Variants in DLGAP2 observed in about 807,000 individuals in gnomAD.
DLGAP2 encodes DLG associated protein 2.
A neutral mutation model predicts 100.3 loss-of-function variants in DLGAP2; 26 were observed. The ratio of observed to expected loss-of-function variants is 0.26; its 90% CI spans 0.19 to 0.36. The LOEUF is 0.36. Among genes scored for constraint, DLGAP2 ranks in the 10% least tolerant of loss-of-function variants. DLGAP2 has a pLI of 1.00. For synonymous variants in DLGAP2, 886 were observed against 630.1 expected, an observed-to-expected ratio of 1.41 and a Z score of -6.08; for missense variants, 1,858 against 1,453.2, an observed-to-expected ratio of 1.28 and a Z score of -4.53.
rs1003861192 is a variant in DLGAP2, at chr8:792,665, T to C, written c.18+54840T>C. ...TGTCAGAATAAAAATGGATTGATCT[T>C]AGTTAGAAAGTTATTTATAAAAATA... On this transcript the variant is annotated intron_variant, in intron 1 of 14. Coordinates refer to ENST00000637795, the MANE Select transcript of DLGAP2 (RefSeq NM_001346810.2). Among the ~76,000 whole-genome samples the C allele has an allele frequency of 2.0e-5, 3 of 152,238 alleles. 1 individual carries two copies. The highest frequency in any genetic ancestry group is 2.0e-4 in the Admixed American group (3 of 15,280).
chr8:744,402 C>G (rs1820563587), intron 1 of DLGAP2, among the ~76,000 whole-genome samples: 1 of 152,230 alleles, frequency 6.6e-6, no homozygotes, highest in Admixed American at 6.5e-5. Flanking sequence ...ATCTAATGAT[C>G]TGAATGGGTG....
chr8:1,491,623 C>T (rs1159640062), intron 3 of DLGAP2, among the ~76,000 whole-genome samples: 4 of 152,102 alleles, frequency 2.6e-5, no homozygotes, highest in South Asian at 2.1e-4. Flanking sequence ...GACCTAACGC[C>T]GCATGTATTT....
intron 6 of DLGAP2, among the ~76,000 whole-genome samples, chr8:1,606,118 G>A (rs934827132): frequency 6.6e-6 from 1 of 152,166 alleles, no homozygotes; most frequent in Admixed American, 6.5e-5. Context: ...AGGCCCAAGA[G>A]AAAAGACGAA....
chr8:902,074 C>T (rs554629084), intron 1 of DLGAP2, among the ~76,000 whole-genome samples: 51 of 152,308 alleles, frequency 3.3e-4, no homozygotes, highest in Non-Finnish European at 6.8e-4. Context: ...GTGGGTCCAC[C>T]GCAGAGGGAT....
At chr8:1,656,624 C>A (rs747177758) in intron 8 of DLGAP2, among the ~76,000 whole-genome samples, 1 of 152,226 alleles carries the variant, frequency 6.6e-6, no homozygotes. Context: ...CACACCTCTT[C>A]CCTGCCCCAT....
At chr8:766,981 G>T (rs1239860125) in intron 1 of DLGAP2, among the ~76,000 whole-genome samples, 1 of 152,162 alleles carries the variant, frequency 6.6e-6, no homozygotes, top group Non-Finnish European at 1.5e-5. Flanking sequence ...TCCTCCTGCG[G>T]TGCACTGGCG....
chr8:1,323,790 G>T (rs766799486), intron 3 of DLGAP2, among the ~76,000 whole-genome samples: 1 of 152,204 alleles, frequency 6.6e-6, no homozygotes, highest in South Asian at 2.1e-4. Context: ...GATCTTTGAA[G>T]AAAGAGTTTC....
Position 1,239,970 on chromosome 8 carries a change from C to G in DLGAP2, c.74-18881C>G, listed in dbSNP as rs1409138222. ...TTGCCGTGTCTAGTTCTCTCTCACA[C>G]ATAGCGTCTTGTCTAGTTCTCTCTC... On this transcript the variant is annotated intron_variant, in intron 2 of 14. Transcript: ENST00000637795. Among the ~76,000 whole-genome samples, 353 of 146,244 alleles carry G rather than the reference C, an allele frequency of 2.4e-3. 4 individuals carry two copies. The highest frequency in any genetic ancestry group is 4.1e-3 in the Non-Finnish European group (276 of 66,916).
intron 2 of DLGAP2, among the ~76,000 whole-genome samples, chr8:972,059 A>G (rs561787229): frequency 6.6e-6 from 1 of 152,328 alleles, no homozygotes; most frequent in African/African-American, 2.4e-5. Flanking sequence ...TTAAGAAGTC[A>G]TCTTGGGGAA....
At chr8:1,493,244 A>C (rs961625046) in intron 3 of DLGAP2, among the ~76,000 whole-genome samples, 12 of 152,300 alleles carry the variant, frequency 7.9e-5, no homozygotes, top group Non-Finnish European at 1.2e-4. Flanking sequence ...GAGCGCATAG[A>C]GGGCTGCTTT....
At chr8:1,000,303 G>C (rs924786465) in intron 2 of DLGAP2, among the ~76,000 whole-genome samples, 6 of 150,828 alleles carry the variant, frequency 4.0e-5, no homozygotes, top group African/African-American at 1.5e-4. Context: ...GTTTTCTTTT[G>C]CACTTGATGT....
At chr8:960,253 C>CT (rs1563115005) in intron 2 of DLGAP2, among the ~76,000 whole-genome samples, 1 of 69,680 alleles carries the variant, frequency 1.4e-5, no homozygotes, top group Non-Finnish European at 2.6e-5. Context: ...TTTTTTTTTT[C>CT]CCGAGACACT....
intron 2 of DLGAP2, among the ~76,000 whole-genome samples, chr8:950,752 G>C (rs1013802532): frequency 4.6e-5 from 7 of 151,538 alleles, no homozygotes; most frequent in African/African-American, 1.7e-4. Context: ...CTCCCGAGTA[G>C]CTGGGATTAC....
Position 1,411,597 on chromosome 8 carries a change from A to C in DLGAP2, c.107-89769A>C, listed in dbSNP as rs957993854. Among the ~76,000 whole-genome samples the C allele has an allele frequency of 2.0e-5, 3 of 152,336 alleles. No homozygotes were observed. The East Asian group carries it at 5.8e-4, about 29-fold the overall frequency. ...CCGAAATGCGGAACCTGCAGGTGGT[A>C]GACTTGAGGGCCTCGTGCTCCTCCT... On this transcript the variant is annotated intron_variant, in intron 3 of 14. Transcript: ENST00000637795.
Position 1,549,291 on chromosome 8 carries a change from A to G in DLGAP2, c.838A>G (p.Ser280Gly). 5.6e-6 allele frequency: 9 copies of G among 1,612,340 alleles called. No individual in the cohort carries two copies. Among genetic ancestry groups the G allele is most frequent in the Non-Finnish European group, 7.6e-6 (9 of 1,179,650 alleles). Residue 280 changes from serine to glycine, a missense_variant, in exon 5 of 15, where the codon AGC becomes GGC. Coordinates refer to ENST00000637795, the MANE Select transcript of DLGAP2 (RefSeq NM_001346810.2). The stretch of plus-strand genomic sequence containing the variant: ...CGCCAAGCACAGCAAGAGGAGCAAG[A>G]GCAAGGAGCGCAAGCCGGAGGGCAA... ...HHAKHSKRSK[S>G]KERKPEGKPR...
Position 1,470,793 on chromosome 8 carries a change from G to A in DLGAP2, c.107-30573G>A, listed in dbSNP as rs1299878938. 9.1e-5 allele frequency among the ~76,000 whole-genome samples: 6 copies of A among 65,918 alleles called. No homozygotes were observed. In the East Asian group the frequency reaches 1.3e-3, roughly 14 times the overall value. 43.2% of individuals were successfully genotyped at this position (65,918 alleles called of 152,430 possible). ...TTTCCCGACTCCCCCAGCCTTTCCC[G>A]ACCCCTCCAGCCTTTCCCGACCCCT... is the stretch of plus-strand genomic sequence containing the variant. On this transcript the variant is annotated intron_variant, in intron 3 of 14. Transcript: ENST00000637795.
intron 1 of DLGAP2, among the ~76,000 whole-genome samples, chr8:862,135 G>A (rs901740646): frequency 2.6e-5 from 4 of 152,074 alleles, no homozygotes; most frequent in Non-Finnish European, 5.9e-5. Context: ...CTTTTGTGGA[G>A]TGAGCACCGT....
chr8:1,236,810 T>TGGTGCCTTGTCTAGTTCTCTCTCACAC (rs1798665533), intron 2 of DLGAP2, among the ~76,000 whole-genome samples: 1 of 57,334 alleles, frequency 1.7e-5, no homozygotes, highest in Non-Finnish European at 3.1e-5. Context: ...ACCTCTCACA[T>TGGTGCCTTGTCTAGTTCTCTCTCACAC]GGTGCCTTGT....
At chr8:1,683,981 TA>T (rs1799044202) in intron 12 of DLGAP2, among the ~76,000 whole-genome samples, 1 of 121,600 alleles carries the variant, frequency 8.2e-6, no homozygotes, top group African/African-American at 3.1e-5. Flanking sequence ...TATATATATA[TA>T]TATATACTTT....
Sources: allele counts gnomAD v4.1 joint callset (sites outside exome capture counted in the v4.1 genomes callset), GRCh38; gene constraint gnomAD v4.1.1; transcripts MANE v1.5; gene names NCBI Gene and HGNC (gene_info 2026-07-23, HGNC 2026-07-21).